The following CTNNBL1 variants were observed in gnomAD, a reference collection of about 807,000 sequenced individuals.
CTNNBL1 encodes the protein beta-catenin-like protein 1.
CTNNBL1 carries 31 observed loss-of-function variants against 72.7 expected under a neutral mutation model. The observed-to-expected ratio is 0.43, with a 90% CI of 0.32 to 0.58. CTNNBL1 has a LOEUF of 0.58. CTNNBL1 is among the 20% of genes least tolerant of loss of function. The pLI is 0.08. For missense variants in CTNNBL1, 534 were observed against 725.1 expected (o/e 0.74, Z 3.03); for synonymous variants, 240 against 267.3 (o/e 0.90, Z 1.00).
At chr20:37,777,550 G>T (rs1278238016) in intron 8 of CTNNBL1, 104 bp from the exon 9 acceptor site, 13 of 1,389,612 alleles carry the variant, frequency 9.4e-6, no homozygotes, top group Non-Finnish European at 1.3e-5. Context: ...TTTGTACTCT[G>T]TCAAGCTGTA....
chr20:37,831,323 G>A (rs1180102914), intron 11 of CTNNBL1, among the ~76,000 whole-genome samples: 1 of 151,356 alleles, frequency 6.6e-6, no homozygotes, highest in Non-Finnish European at 1.5e-5. Context: ...CCAGTTAATT[G>A]TGTACTCTAT....
intron 1 of CTNNBL1, chr20:37,694,984 C>G (rs1431595662): frequency 6.6e-6 from 1 of 152,188 alleles, no homozygotes; most frequent in Non-Finnish European, 1.5e-5. Context: ...CCACTAGCCA[C>G]ATAGGCTGTT....
At chr20:37,788,034 T>A (rs1600488234) in intron 10 of CTNNBL1, among the ~76,000 whole-genome samples, 1 of 152,276 alleles carries the variant, frequency 6.6e-6, no homozygotes, top group East Asian at 1.9e-4. Context: ...CTTGACACAT[T>A]TTGTTATTAT....
Position 37,777,399 on chromosome 20 carries a change from T to G in CTNNBL1, c.805T>G (p.Leu269Val). The change falls in exon 8 of 16, where the codon TTG (leucine) becomes GTG (valine). Residue 269 changes from leucine to valine, a missense_variant. By Grantham distance (32) the Leu-to-Val change is conservative. Transcript: ENST00000361383. The part of the protein sequence containing the change: ...KLYCSEVLAI[L>V]LQDNDENREL... Reference sequence around the variant, plus strand: ...GTATTGCAGTGAAGTGCTGGCCATATTGCTCCAGGACAATGATGGTGAGGC... The same window carrying G: ...GTATTGCAGTGAAGTGCTGGCCATAGTGCTCCAGGACAATGATGGTGAGGC... 1 of 1,613,956 alleles carries G rather than the reference T, an allele frequency of 6.2e-7. No homozygotes were observed. Among genetic ancestry groups the G allele is most frequent in the Non-Finnish European group, 8.5e-7 (1 of 1,179,814 alleles).
At chr20:37,778,429 A>C (rs1231720842) in intron 9 of CTNNBL1, among the ~76,000 whole-genome samples, 1 of 152,104 alleles carries the variant, frequency 6.6e-6, no homozygotes, top group African/African-American at 2.4e-5. Flanking sequence ...CTTGGCCTCC[A>C]CCCCAAAAAT....
intron 11 of CTNNBL1, among the ~76,000 whole-genome samples, chr20:37,814,831 G>A (rs961303709): frequency 2.0e-5 from 3 of 152,184 alleles, no homozygotes. Flanking sequence ...TTGGTAAGCA[G>A]CCCTTTTACT....
intron 10 of CTNNBL1, among the ~76,000 whole-genome samples, chr20:37,790,670 G>A (rs539009212): frequency 1.2e-3 from 186 of 152,306 alleles, no homozygotes; most frequent in South Asian, 1.0e-3. Flanking sequence ...AAGTGCTGTG[G>A]CAAAGAAGGT....
chr20:37,798,734 G>C (rs1297408377), intron 10 of CTNNBL1, among the ~76,000 whole-genome samples: 1 of 152,184 alleles, frequency 6.6e-6, no homozygotes, highest in African/African-American at 2.4e-5. Context: ...GGCTACACCA[G>C]AGTCTTTTGA....
chr20:37,752,643 TAA>T (rs959736876), intron 4 of CTNNBL1, among the ~76,000 whole-genome samples: 5 of 152,062 alleles, frequency 3.3e-5, no homozygotes, highest in African/African-American at 4.8e-5. Context: ...ACCAAGACTC[TAA>T]GTGGGATATG....
chr20:37,817,067 G>A (rs992662359), intron 11 of CTNNBL1, among the ~76,000 whole-genome samples: 6 of 152,278 alleles, frequency 3.9e-5, no homozygotes, highest in Admixed American at 1.3e-4. Context: ...GTGGGTTATC[G>A]TTAGCCTGCT....
chr20:37,813,119 G>A (rs1438762371), intron 11 of CTNNBL1, among the ~76,000 whole-genome samples: 1 of 152,256 alleles, frequency 6.6e-6, no homozygotes, highest in African/African-American at 2.4e-5. Context: ...CGTGTTCTCA[G>A]AGTTTCTGAT....
chr20:37,787,895 T>G (rs2073692855), intron 10 of CTNNBL1, among the ~76,000 whole-genome samples: 1 of 152,224 alleles, frequency 6.6e-6, no homozygotes, highest in East Asian at 1.9e-4. Flanking sequence ...TCTTTGTCTA[T>G]GAACGTTTGA....
chr20:37,719,522 GT>G (rs1164372273), intron 1 of CTNNBL1, among the ~76,000 whole-genome samples: 1 of 152,080 alleles, frequency 6.6e-6, no homozygotes, highest in African/African-American at 2.4e-5. Flanking sequence ...TTGTTTCTTT[GT>G]TTCTTAAACC....
At chr20:37,757,752 A>AGCCTTGCCGTGGAGTT in intron 5 of CTNNBL1, 96 bp downstream of exon 5, 1 of 823,926 alleles carries the variant, frequency 1.2e-6, no homozygotes, top group Non-Finnish European at 2.0e-6. Context: ...GTGGAACTCC[A>AGCCTTGCCGTGGAGTT]CGGCAAGGCT....
At chr20:37,754,811 C>CTTTTTT (rs80278923) in intron 4 of CTNNBL1, among the ~76,000 whole-genome samples, 1 of 144,648 alleles carries the variant, frequency 6.9e-6, no homozygotes, top group African/African-American at 2.5e-5. Flanking sequence ...CTTTAGATAA[C>CTTTTTT]TTTTTTTTTT....
intron 11 of CTNNBL1, among the ~76,000 whole-genome samples, chr20:37,827,500 C>A (rs2072170202): frequency 6.6e-6 from 1 of 152,166 alleles, no homozygotes; most frequent in South Asian, 2.1e-4. Flanking sequence ...TTCAAAGTTA[C>A]AGAGAAGATT....
chr20:37,821,851 T>A (rs1283226475), intron 11 of CTNNBL1, among the ~76,000 whole-genome samples: 3 of 152,166 alleles, frequency 2.0e-5, no homozygotes, highest in African/African-American at 7.2e-5. Context: ...CACAGCTGGA[T>A]GCCAGTAGCA....
intron 1 of CTNNBL1, among the ~76,000 whole-genome samples, chr20:37,716,500 C>T (rs1333253260): frequency 6.6e-6 from 1 of 152,124 alleles, no homozygotes; most frequent in Non-Finnish European, 1.5e-5. Flanking sequence ...CATTCACCAT[C>T]CTTGTCTTTA....
At chr20:37,762,476 C>A (rs1434158048) in intron 5 of CTNNBL1, among the ~76,000 whole-genome samples, 1 of 152,086 alleles carries the variant, frequency 6.6e-6, no homozygotes, top group Non-Finnish European at 1.5e-5. Flanking sequence ...CTTTAACTCC[C>A]GGAATATTGT....
Sources: allele counts gnomAD v4.1 joint callset (sites outside exome capture counted in the v4.1 genomes callset), GRCh38; gene constraint gnomAD v4.1.1; transcripts MANE v1.5; gene names NCBI Gene and HGNC (gene_info 2026-07-23, HGNC 2026-07-21).